Variants in CBY1 observed in about 807,000 individuals in gnomAD.
CBY1 encodes protein chibby homolog 1.
CBY1 carries 10 observed loss-of-function variants against 15.6 expected under a neutral mutation model. That is an observed-to-expected ratio of 0.64 (90% CI 0.40 to 1.09). The LOEUF is 1.09. Among genes scored for constraint, CBY1 ranks in the 50% least tolerant of loss-of-function variants. The pLI, the probability that CBY1 is intolerant of heterozygous loss-of-function variation, is 0.01. For synonymous variants in CBY1, 61 were observed against 63.5 expected (o/e 0.96, Z 0.19); for missense variants, 150 against 160.5 (o/e 0.93, Z 0.35).
At chr22:38,657,408 G>A (rs2092402971) in intron 1 of CBY1, among the ~76,000 whole-genome samples, 1 of 152,190 alleles carries the variant, frequency 6.6e-6, no homozygotes, top group South Asian at 2.1e-4. Flanking sequence ...TGGGTGAGCC[G>A]CAGAGTGATC....
chr22:38,661,205 G>A (rs2092421362), intron 1 of CBY1, among the ~76,000 whole-genome samples: 1 of 150,358 alleles, frequency 6.7e-6, no homozygotes, highest in African/African-American at 2.4e-5. Flanking sequence ...ACAGAGTCTC[G>A]TTCTGTCACC....
intron 1 of CBY1, chr22:38,667,719 A>G (rs2092441087): frequency 6.8e-6 from 2 of 294,992 alleles, no homozygotes; most frequent in East Asian, 7.7e-5. Flanking sequence ...TGCATGAGAC[A>G]GACAGCATGG....
chr22:38,669,430 ACT>A (rs764609914), intron 2 of CBY1, among the ~76,000 whole-genome samples: 24 of 152,144 alleles, frequency 1.6e-4, no homozygotes, highest in Non-Finnish European at 2.9e-4. Flanking sequence ...TGTGCCAGGC[ACT>A]CTCCTAAGCA....
intron 1 of CBY1, chr22:38,657,190 A>C: frequency 4.0e-6 from 3 of 750,718 alleles, no homozygotes; most frequent in Non-Finnish European, 4.9e-6. Context: ...AAACCTTTAC[A>C]CAATGATTAG....
intron 1 of CBY1, among the ~76,000 whole-genome samples, chr22:38,666,203 C>A (rs2092435318): frequency 7.1e-6 from 1 of 141,564 alleles, no homozygotes; most frequent in Non-Finnish European, 1.5e-5. Context: ...TTGTGGTAGA[C>A]TTTTCTGTAT....
intron 1 of CBY1, among the ~76,000 whole-genome samples, chr22:38,666,000 T>C (rs1246977783): frequency 1.3e-5 from 2 of 151,450 alleles, no homozygotes; most frequent in African/African-American, 4.8e-5. Flanking sequence ...ATTTAAAAAA[T>C]ACTTGATTTT....
chr22:38,673,027 T>A, intron 4 of CBY1, 132 bp from the exon 5 acceptor site: 1 of 622,222 alleles, frequency 1.6e-6, no homozygotes, highest in Non-Finnish European at 2.9e-6. Flanking sequence ...TACAGAGGGT[T>A]TCCCATCGAG....
In CBY1 at chr22:38,672,272, AAAAG is replaced by A. The variant is rs1320237160; in HGVS notation, c.304-883_304-880del. On this transcript the variant is annotated intron_variant, in intron 4 of 4. Transcript: ENST00000216029. Reference sequence around the variant, plus strand: ...GTGAGACCCCATCTTGGAAAAAAAAAAAAGAAAAAGACTGACATTTTAGGCTGGA... The same window carrying A: ...GTGAGACCCCATCTTGGAAAAAAAAAAAAAAGACTGACATTTTAGGCTGGA... Among the ~76,000 whole-genome samples the A allele has an allele frequency of 2.3e-3, 343 of 151,890 alleles. 1 individual carries two copies. The highest frequency in any genetic ancestry group is 3.9e-3 in the Admixed American group (59 of 15,236).
Position 38,673,166 on chromosome 22 carries a change from A to G in CBY1, c.311A>G (p.Glu104Gly). Reference sequence around the variant, plus strand: ...CCGCTGCTTCACTTTCAGCTTTCAGAGTCCACTGCTGAATCCCACTTAATG... The same window carrying G: ...CCGCTGCTTCACTTTCAGCTTTCAGGGTCCACTGCTGAATCCCACTTAATG... ...KVDILLDMLSESTAESHLMEK... is the reference protein window; with the variant it reads ...KVDILLDMLSGSTAESHLMEK... Residue 104 changes from glutamate to glycine, a missense_variant, in exon 5 of 5, where the codon GAG becomes GGG. Coordinates refer to ENST00000216029, the MANE Select transcript of CBY1 (RefSeq NM_015373.4). 1 of 1,610,198 alleles carries G rather than the reference A, an allele frequency of 6.2e-7. No homozygotes were observed. Among genetic ancestry groups the G allele is most frequent in the Non-Finnish European group, 8.5e-7 (1 of 1,176,538 alleles).
Position 38,671,077 on chromosome 22 carries a change from G to C in CBY1, c.192G>C (p.Gly64=), listed in dbSNP as rs2092450998. 2 of 1,614,084 alleles carry C rather than the reference G, an allele frequency of 1.2e-6. No individual in the cohort carries two copies. The highest frequency in any genetic ancestry group is 1.7e-6 in the Non-Finnish European group (2 of 1,179,886). The stretch of plus-strand genomic sequence containing the variant: ...GTTCTGTCCTTCCTCCAGAGACAGG[G>C]GTTAGTGGCGGTGTGGACCGGAGGG... ...FENGQWIAET[G]VSGGVDRREV... is the part of the protein sequence containing the mutation. The change falls in exon 4 of 5, where the codon GGG becomes GGC. Residue 64 remains glycine, a synonymous_variant. Coordinates refer to ENST00000216029, the MANE Select transcript of CBY1 (RefSeq NM_015373.4).
At chr22:38,670,652 GTA>G in intron 2 of CBY1, 4 of 459,110 alleles carry the variant, frequency 8.7e-6, no homozygotes, top group Non-Finnish European at 1.2e-5. Flanking sequence ...ATAAATTTCA[GTA>G]TATATAGCTT....
intron 1 of CBY1, among the ~76,000 whole-genome samples, chr22:38,662,762 C>G (rs2145780288): frequency 6.6e-6 from 1 of 152,130 alleles, no homozygotes; most frequent in South Asian, 2.1e-4. Context: ...TCCCAAAGTG[C>G]TAGGATTTAT....
At chr22:38,673,052 C>G in intron 4 of CBY1, 107 bp from the exon 5 acceptor site, 1 of 716,436 alleles carries the variant, frequency 1.4e-6, no homozygotes, top group East Asian at 2.7e-5. Context: ...CCAGCAGCAT[C>G]AGAGAAGTGG....
At chr22:38,668,187 G>T in intron 2 of CBY1, 55 bp downstream of exon 2, 1 of 1,051,178 alleles carries the variant, frequency 9.5e-7, no homozygotes, top group South Asian at 1.3e-5. Context: ...AGTGCTGAGC[G>T]TGTCTCTGAA....
At chr22:38,673,850 ATCTC>A (rs1465248723), downstream of CBY1, 1 of 152,344 alleles carries the variant, frequency 6.6e-6, no homozygotes, top group African/African-American at 2.4e-5. Context: ...ATGTTAAATA[ATCTC>A]TCTGTGACCA....
Position 38,673,482 on chromosome 22 carries a change from C to T in CBY1, c.*246C>T, listed in dbSNP as rs762376514. On this transcript the variant is annotated 3_prime_UTR_variant, in exon 5 of 5. Coordinates refer to ENST00000216029, the MANE Select transcript of CBY1 (RefSeq NM_015373.4). The stretch of plus-strand genomic sequence containing the variant: ...GTCTGAAAACCAGACCGCACAGAGG[C>T]CTGGGGCTGCTGATGAGCTTTTTGG... The T allele has an allele frequency of 1.7e-5, 7 of 406,886 alleles. No homozygotes were observed. Among genetic ancestry groups the T allele is most frequent in the Non-Finnish European group, 3.3e-5 (7 of 214,546 alleles). The allele number at this position is 406,886 out of a possible 1,614,324, so 25.2% of individuals were successfully genotyped here.
At chr22:38,665,538 T>C (rs889667261) in intron 1 of CBY1, 5 of 403,094 alleles carry the variant, frequency 1.2e-5, no homozygotes, top group African/African-American at 8.2e-5. Context: ...GCTGTGTTTA[T>C]ACAATAGAAT....
At chr22:38,668,584 T>G (rs2092443763) in intron 2 of CBY1, 1 of 157,994 alleles carries the variant, frequency 6.3e-6, no homozygotes, top group Non-Finnish European at 1.4e-5. Flanking sequence ...TTGGCCAGGC[T>G]GGTCTCGAAC....
intron 1 of CBY1, chr22:38,666,491 G>A (rs2092436423): frequency 1.3e-5 from 2 of 152,038 alleles, no homozygotes; most frequent in African/African-American, 4.8e-5. Flanking sequence ...TATGCTAAAA[G>A]CAAATGTACA....
Sources: gnomAD v4.1 joint callset for allele counts (sites outside exome capture counted in the v4.1 genomes callset) on GRCh38, gnomAD v4.1.1 for gene constraint, MANE v1.5 for transcripts, NCBI Gene and HGNC (gene_info 2026-07-23, HGNC 2026-07-21) for gene names.